Variants in PPIE observed in about 807,000 individuals in gnomAD.
The protein encoded by PPIE is peptidylprolyl isomerase E, also known as peptidyl-prolyl cis-trans isomerase E.
PPIE carries 20 observed loss-of-function variants against 38.4 expected under a neutral mutation model. The ratio of observed to expected loss-of-function variants is 0.52; its 90% CI spans 0.37 to 0.76. PPIE has a LOEUF of 0.76. Ranked by LOEUF, PPIE falls within the 30% of genes least tolerant of loss-of-function variation. PPIE has a pLI of 0.00. For synonymous variants in PPIE, 142 were observed against 135.7 expected (o/e 1.05, Z -0.32); for missense variants, 322 against 385.8 (o/e 0.83, Z 1.39).
chr1:39,739,120 A>C, intron 1 of PPIE, 189 bp downstream of exon 1: 1 of 526,402 alleles, frequency 1.9e-6, no homozygotes, highest in Non-Finnish European at 3.0e-6. Context: ...GTCCTCAGGA[A>C]AAAGTGCAGA....
At chr1:39,760,334 G>A (rs953235830), downstream of PPIE, 6 of 1,578,828 alleles carry the variant, frequency 3.8e-6, no homozygotes, top group South Asian at 1.1e-5. Flanking sequence ...CCGGCCTGGG[G>A]TCTGGCTGGG....
Position 39,753,937 on chromosome 1 carries a change from A to G in PPIE, c.*582A>G, listed in dbSNP as rs1380970104. 1.0e-6 allele frequency: 1 copy of G among 985,038 alleles called. No individual in the cohort carries two copies. The highest frequency in any genetic ancestry group is 1.2e-6 in the Non-Finnish European group (1 of 829,858). 61.0% of individuals were successfully genotyped at this position (985,038 alleles called of 1,614,324 possible). A position where few individuals can be genotyped will look rare whatever the true frequency, so the allele number is the denominator to read the frequency against. ...GGTCTTCTGCTGCCTCTGCTCCTAA[A>G]CCCAGCTGCCGGCCTTACAGCCAGC... is the stretch of plus-strand genomic sequence containing the variant. On this transcript the variant is annotated 3_prime_UTR_variant, in exon 10 of 10. Coordinates refer to ENST00000324379, the MANE Select transcript of PPIE (RefSeq NM_006112.4).
rs756366999 is a variant in PPIE at position 39,738,941 on chromosome 1, A to G, written c.31+10A>G. 6.8e-7 allele frequency: 1 copy of G among 1,470,978 alleles called. No individual in the cohort carries two copies. The highest frequency in any genetic ancestry group is 9.0e-7 in the Non-Finnish European group (1 of 1,109,256). 91.1% of individuals were successfully genotyped at this position (1,470,978 alleles called of 1,614,324 possible). On this transcript the variant is annotated intron_variant, in intron 1 of 9. Transcript: ENST00000324379. ...CGCGTCTTGTACGTGGGTGAGCAGG[A>G]GGGGTTGCTAGGCGGAGTCTGAGTG...
chr1:39,757,744 A>C (rs1648441609), downstream of PPIE: 1 of 152,270 alleles, frequency 6.6e-6, no homozygotes, highest in Admixed American at 6.5e-5. Flanking sequence ...CTGTGCTGCC[A>C]GCCTGGGCCA....
intron 4 of PPIE, 183 bp downstream of exon 4, chr1:39,742,104 C>G (rs1042145110): frequency 3.3e-6 from 2 of 608,238 alleles, no homozygotes. Flanking sequence ...CAGACTCCTT[C>G]GCCATTTCAG....
intron 9 of PPIE, 113 bp from the exon 10 acceptor site, chr1:39,753,174 T>A: frequency 6.3e-7 from 1 of 1,585,432 alleles, no homozygotes; most frequent in South Asian, 1.1e-5. Context: ...CGGGAGGGGC[T>A]GCTGCTGCCC....
In PPIE at chr1:39,754,518, A is replaced by G. The variant is rs1026040855; in HGVS notation, c.*1163A>G. 6.6e-6 allele frequency among the ~76,000 whole-genome samples: 1 copy of G among 152,180 alleles called. No homozygotes were observed. Among genetic ancestry groups the G allele is most frequent in the Non-Finnish European group, 1.5e-5 (1 of 68,036 alleles). ...AACTGATTGGATGAGGCCTACCCAC[A>G]TTATGGAGGGTAATCTGCTTTACTC... On this transcript the variant is annotated 3_prime_UTR_variant, in exon 10 of 10. Transcript: ENST00000324379.
chr1:39,762,300 C>T (rs1336458432), intron 9 of PPIE: 5 of 506,326 alleles, frequency 9.9e-6, no homozygotes, highest in African/African-American at 2.0e-5. Flanking sequence ...CTTCTGGGCT[C>T]GTGTGCTGCG....
At chr1:39,743,157 C>T in intron 4 of PPIE, 59 bp from the exon 5 acceptor site, 4 of 1,434,406 alleles carry the variant, frequency 2.8e-6, no homozygotes, top group South Asian at 2.3e-5. Flanking sequence ...ATATGGAAAG[C>T]TGGCTGGCCC....
intron 5 of PPIE, 88 bp downstream of exon 5, chr1:39,743,385 T>A: frequency 9.2e-7 from 1 of 1,084,018 alleles, no homozygotes; most frequent in Non-Finnish European, 1.4e-6. Flanking sequence ...TGGAAGTAGA[T>A]GCTAAATGCT....
Position 39,756,585 on chromosome 1 carries a change from T to C in PPIE, c.*3230T>C. On this transcript the variant is annotated 3_prime_UTR_variant, in exon 10 of 10. Transcript: ENST00000324379. ...AAGAAGGAATTATAGAACCAACTTTTTATTGTTGAAAATGGAGTCTTGTAG... is the reference window on the plus strand; with the variant it reads ...AAGAAGGAATTATAGAACCAACTTTCTATTGTTGAAAATGGAGTCTTGTAG... 1 of 985,396 alleles carries C rather than the reference T, an allele frequency of 1.0e-6. No individual in the cohort carries two copies. The highest frequency in any genetic ancestry group is 1.2e-6 in the Non-Finnish European group (1 of 829,924). The allele number at this position is 985,396 out of a possible 1,614,324, so 61.0% of individuals were successfully genotyped here.
Position 39,754,679 on chromosome 1 carries a change from T to C in PPIE, c.*1324T>C, listed in dbSNP as rs575514074. Among the ~76,000 whole-genome samples the C allele has an allele frequency of 5.9e-5, 9 of 152,142 alleles. No individual in the cohort carries two copies. The highest frequency in any genetic ancestry group is 2.2e-4 in the African/African-American group (9 of 41,502). ...GAGTTCAAGACCAGCCTGGGCAATG[T>C]AGAGACCCCCATCTCTAGGGGGAGA... On this transcript the variant is annotated 3_prime_UTR_variant, in exon 10 of 10. Coordinates refer to ENST00000324379, the MANE Select transcript of PPIE (RefSeq NM_006112.4).
At chr1:39,753,116 C>T in intron 9 of PPIE, 64 bp downstream of exon 9, 2 of 1,605,658 alleles carry the variant, frequency 1.2e-6, no homozygotes. Context: ...TGTGTGAGGG[C>T]TGGAGAGTCT....
intron 6 of PPIE, among the ~76,000 whole-genome samples, chr1:39,745,150 C>T (rs183899618): frequency 6.6e-6 from 1 of 152,340 alleles, no homozygotes; most frequent in Non-Finnish European, 1.5e-5. Flanking sequence ...GTGTGTGAGG[C>T]TCAGGTTAGC....
chr1:39,743,731 C>A, intron 5 of PPIE, 93 bp from the exon 6 acceptor site: 1 of 966,094 alleles, frequency 1.0e-6, no homozygotes, highest in Non-Finnish European at 1.6e-6. Flanking sequence ...GCATACAGGC[C>A]ACATAGCATC....
At chr1:39,756,921 A>T (rs1648335798), downstream of PPIE, among the ~76,000 whole-genome samples, 1 of 152,170 alleles carries the variant, frequency 6.6e-6, no homozygotes, top group East Asian at 1.9e-4. Context: ...GGTTCCTTTC[A>T]AAAAGGGGGC....
intron 2 of PPIE, among the ~76,000 whole-genome samples, chr1:39,740,909 A>G (rs1483438186): frequency 6.6e-6 from 1 of 152,234 alleles, no homozygotes; most frequent in Non-Finnish European, 1.5e-5. Context: ...GTTCTATGAT[A>G]AACATTATTG....
chr1:39,760,580 G>C (rs1373233931), downstream of PPIE: 1 of 1,612,442 alleles, frequency 6.2e-7, no homozygotes, highest in East Asian at 2.2e-5. Flanking sequence ...TGGCCAGGAA[G>C]AGGGCACAGG....
In PPIE at chr1:39,756,354, T is replaced by A; in HGVS notation, c.*2999T>A. 3.0e-6 allele frequency: 3 copies of A among 985,436 alleles called. No individual in the cohort carries two copies. The highest frequency in any genetic ancestry group is 3.6e-6 in the Non-Finnish European group (3 of 829,926). 61.0% of individuals were successfully genotyped at this position (985,436 alleles called of 1,614,324 possible). A position where few individuals can be genotyped will look rare whatever the true frequency, so the allele number is the denominator to read the frequency against. On this transcript the variant is annotated 3_prime_UTR_variant, in exon 10 of 10. Transcript: ENST00000324379. ...TGGGCACAGGGCTTCCTTTTGCTGA[T>A]TCATTTCCCCCCTAACTCATTCAGA...
Sources: allele counts gnomAD v4.1 joint callset (sites outside exome capture counted in the v4.1 genomes callset), GRCh38; gene constraint gnomAD v4.1.1; transcripts MANE v1.5; gene names NCBI Gene and HGNC (gene_info 2026-07-23, HGNC 2026-07-21).